FMN1: variants seen among roughly 807,000 people sequenced by gnomAD.
The protein encoded by FMN1 is formin-1.
FMN1 carries 110 observed loss-of-function variants against 132.4 expected under a neutral mutation model. The ratio of observed to expected loss-of-function variants is 0.83; its 90% confidence interval spans 0.71 to 0.97. FMN1 has a LOEUF of 0.97. Ranked by LOEUF, FMN1 falls within the 50% of genes least tolerant of loss-of-function variation. The pLI is 0.00. For missense variants in FMN1, 1,792 were observed against 1,705.3 expected (o/e 1.05, Z -0.90); for synonymous variants, 722 against 651.7 (o/e 1.11, Z -1.64).
chr15:33,033,369 C>A (rs1213508560), intron 6 of FMN1, among the ~76,000 whole-genome samples: 1 of 152,128 alleles, frequency 6.6e-6, no homozygotes, highest in Non-Finnish European at 1.5e-5. Flanking sequence ...TCCAACTTCA[C>A]TGATGAAACT....
chr15:32,851,739 A>G (rs745994902), intron 17 of FMN1, among the ~76,000 whole-genome samples: 5 of 152,216 alleles, frequency 3.3e-5, no homozygotes, highest in South Asian at 4.1e-4. Context: ...TGAAAAAGAC[A>G]TAAGGATAAA....
chr15:32,791,493 G>C (rs971286691), intron 19 of FMN1, among the ~76,000 whole-genome samples: 3 of 151,952 alleles, frequency 2.0e-5, no homozygotes, highest in Non-Finnish European at 4.4e-5. Flanking sequence ...TGTTTAAAGA[G>C]ATAACTATGA....
chr15:33,150,737 A>G, intron 4 of FMN1: 1 of 985,642 alleles, frequency 1.0e-6, no homozygotes, highest in Non-Finnish European at 1.2e-6. Context: ...AGTTAATGAG[A>G]GCTTTCAATA....
chr15:32,899,870 A>T, intron 14 of FMN1, 109 bp downstream of exon 14: 1 of 1,054,252 alleles, frequency 9.5e-7, no homozygotes, highest in Non-Finnish European at 1.4e-6. Flanking sequence ...AAATGTTGTT[A>T]AGGGGAGGAT....
At chr15:33,016,890 A>G (rs1282885073) in intron 6 of FMN1, among the ~76,000 whole-genome samples, 1 of 152,152 alleles carries the variant, frequency 6.6e-6, no homozygotes, top group Non-Finnish European at 1.5e-5. Flanking sequence ...AACGCCATAA[A>G]AACCCCAAGC....
Position 33,064,951 on chromosome 15 carries a change from C to T in FMN1, c.2161+6G>A. 1 of 1,599,090 alleles carries T rather than the reference C, an allele frequency of 6.3e-7. No individual in the cohort carries two copies. The highest frequency in any genetic ancestry group is 8.5e-7 in the Non-Finnish European group (1 of 1,170,342). On this transcript the variant is annotated splice_donor_region_variant and intron_variant, in intron 6 of 20. Coordinates refer to ENST00000616417, the MANE Select transcript of FMN1 (RefSeq NM_001277313.2). Reference sequence around the variant, plus strand: ...TTCCCGGGTCCCTAGCTTCCTTTCACATTACCTGCTTCAGTGTACTTCAGT... The same window carrying T: ...TTCCCGGGTCCCTAGCTTCCTTTCATATTACCTGCTTCAGTGTACTTCAGT...
rs747383038 is a variant in FMN1 at position 32,964,239 on chromosome 15, G to A, written c.3006C>T (p.Thr1002=). ...CAGGTTCTTCTAAGGAGTCCCATAA[G>A]GTTGGTGTAGCATTTTGGCTTAAAA... The part of the protein sequence containing the change: ...ISDRSQNATP[T]LWDSLEEPDI... Residue 1002 remains threonine, a synonymous_variant, in exon 9 of 21, where the codon ACC becomes ACT. Transcript: ENST00000616417. 1 of 1,601,868 alleles carries A rather than the reference G, an allele frequency of 6.2e-7. No individual in the cohort carries two copies. Among genetic ancestry groups the A allele is most frequent in the Non-Finnish European group, 8.5e-7 (1 of 1,173,678 alleles).
chr15:32,931,720 T>C lies in FMN1; in HGVS notation c.3139-5459A>G, dbSNP rs55974794. Among the ~76,000 whole-genome samples the C allele has an allele frequency of 1.1e-3, 168 of 152,364 alleles. 1 individual carries two copies. Among genetic ancestry groups the C allele is most frequent in the Non-Finnish European group, 2.2e-3 (149 of 68,032 alleles). On this transcript the variant is annotated intron_variant, in intron 9 of 20. Coordinates refer to ENST00000616417, the MANE Select transcript of FMN1 (RefSeq NM_001277313.2). ...CTCTCTTGATTAATGTCTCTATGAC[T>C]TTCAGCACTATGTTGAATAAAGTAG...
At chr15:32,965,208 G>GTCAGGAGTTCAAGA (rs1396729966) in intron 8 of FMN1, among the ~76,000 whole-genome samples, 1 of 152,100 alleles carries the variant, frequency 6.6e-6, no homozygotes, top group East Asian at 1.9e-4. Context: ...GACCAGCCTG[G>GTCAGGAGTTCAAGA]CCAACATGGT....
chr15:33,108,668 C>T (rs1425936654), intron 4 of FMN1, among the ~76,000 whole-genome samples: 1 of 152,062 alleles, frequency 6.6e-6, no homozygotes, highest in Non-Finnish European at 1.5e-5. Context: ...CAACTGATAG[C>T]CCTTGGCTCC....
At chr15:32,961,521 A>C (rs561823960) in intron 9 of FMN1, among the ~76,000 whole-genome samples, 35 of 152,312 alleles carry the variant, frequency 2.3e-4, no homozygotes, top group African/African-American at 8.4e-4. Flanking sequence ...AACACAGAGT[A>C]CTATACTTTT....
intron 4 of FMN1, among the ~76,000 whole-genome samples, chr15:33,120,367 A>G (rs1962434452): frequency 6.6e-6 from 1 of 152,144 alleles, no homozygotes; most frequent in South Asian, 2.1e-4. Context: ...CTTCCAGGTC[A>G]ATGGATTAGG....
At chr15:32,991,825 G>A (rs577544366) in intron 7 of FMN1, among the ~76,000 whole-genome samples, 23 of 152,246 alleles carry the variant, frequency 1.5e-4, no homozygotes, top group African/African-American at 4.3e-4. Flanking sequence ...AAGGCCACAG[G>A]CATTATATGG....
chr15:32,775,201 T>TA (rs1567146141), intron 20 of FMN1, among the ~76,000 whole-genome samples: 2 of 152,208 alleles, frequency 1.3e-5, no homozygotes, highest in Non-Finnish European at 2.9e-5. Context: ...TTGGCCTAGA[T>TA]ATAAACTTAA....
chr15:32,852,525 G>A (rs930470193), intron 17 of FMN1, among the ~76,000 whole-genome samples: 11 of 152,012 alleles, frequency 7.2e-5, no homozygotes, highest in East Asian at 3.9e-4. Flanking sequence ...GACTACAGGC[G>A]CCACCACTTT....
intron 19 of FMN1, among the ~76,000 whole-genome samples, 163 bp downstream of exon 19, chr15:32,798,641 C>T (rs1266027492): frequency 6.6e-6 from 1 of 152,104 alleles, no homozygotes; most frequent in Non-Finnish European, 1.5e-5. Flanking sequence ...GCAAGCTTTC[C>T]CCGAATTTCC....
intron 6 of FMN1, among the ~76,000 whole-genome samples, chr15:33,047,263 T>TCTTC (rs1337284940): frequency 6.6e-6 from 1 of 152,228 alleles, no homozygotes; most frequent in African/African-American, 2.4e-5. Flanking sequence ...CTAGATTTTA[T>TCTTC]AAAAACTGTT....
At position 32,769,669 on chromosome 15, in the gene FMN1, A is replaced by AT. The variant is rs2056162622; in HGVS notation, c.*4640dup. 1 of 143,346 alleles carries AT rather than the reference A, an allele frequency of 7.0e-6. No individual in the cohort carries two copies. Among genetic ancestry groups the AT allele is most frequent in the Non-Finnish European group, 1.6e-5 (1 of 64,268 alleles). The allele number at this position is 143,346 out of a possible 1,614,324, so 8.9% of individuals were successfully genotyped here. A position where few individuals can be genotyped will look rare whatever the true frequency, so the allele number is the denominator to read the frequency against. On this transcript the variant is annotated 3_prime_UTR_variant, in exon 21 of 21. Transcript: ENST00000616417. Reference sequence around the variant, plus strand: ...TGGAAAATGGAAATATATCCAAGTTATTTGCATTTTGGAAAGGCTAAAAAT... The same window carrying AT: ...TGGAAAATGGAAATATATCCAAGTTATTTTGCATTTTGGAAAGGCTAAAAAT...
At chr15:32,973,719 C>G (rs1320423612) in intron 7 of FMN1, among the ~76,000 whole-genome samples, 1 of 152,206 alleles carries the variant, frequency 6.6e-6, no homozygotes. Flanking sequence ...CTCATTCATT[C>G]TCTGTCTGTC....
Sources: gnomAD v4.1 joint callset for allele counts (sites outside exome capture counted in the v4.1 genomes callset) on GRCh38, gnomAD v4.1.1 for gene constraint, MANE v1.5 for transcripts, NCBI Gene and HGNC (gene_info 2026-07-23, HGNC 2026-07-21) for gene names.